The following AMBRA1 variants were observed in gnomAD, a reference collection of about 807,000 sequenced individuals.
AMBRA1 encodes autophagy and beclin 1 regulator 1, also known as activating molecule in BECN1-regulated autophagy protein 1.
AMBRA1 carries 47 observed loss-of-function variants against 125.4 expected under a neutral mutation model. The observed-to-expected ratio is 0.37, with a 90% CI of 0.30 to 0.48. The LOEUF (loss-of-function observed/expected upper bound fraction) is 0.48. Ranked by LOEUF, AMBRA1 falls within the 20% of genes least tolerant of loss-of-function variation. The probability of loss-of-function intolerance (pLI) is 0.99; values close to 1 mark genes in which losing one functional copy is unlikely to be tolerated. For missense variants in AMBRA1, 1,331 were observed against 1,693.4 expected, an observed-to-expected ratio of 0.79 and a Z score of 3.76; for synonymous variants, 626 against 655.5, an observed-to-expected ratio of 0.95 and a Z score of 0.69.
At chr11:46,529,820 G>C (rs993581953) in intron 7 of AMBRA1, among the ~76,000 whole-genome samples, 1 of 152,168 alleles carries the variant, frequency 6.6e-6, no homozygotes, top group African/African-American at 2.4e-5. Context: ...CAATATCTTG[G>C]TTAATGTAAC....
At chr11:46,491,729 T>C (rs1258004468) in intron 11 of AMBRA1, among the ~76,000 whole-genome samples, 3 of 152,184 alleles carry the variant, frequency 2.0e-5, no homozygotes, top group African/African-American at 4.8e-5. Flanking sequence ...CATCCTTTGA[T>C]AGATTTTCTC....
chr11:46,404,653 T>G (rs1477165047), intron 17 of AMBRA1, among the ~76,000 whole-genome samples: 1 of 152,226 alleles, frequency 6.6e-6, no homozygotes, highest in Non-Finnish European at 1.5e-5. Flanking sequence ...TCACTCTGCC[T>G]GCTGCTCCCG....
chr11:46,494,324 T>C (rs1950560433), intron 9 of AMBRA1, 120 bp from the exon 10 acceptor site: 2 of 750,490 alleles, frequency 2.7e-6, no homozygotes, highest in East Asian at 2.7e-5. Flanking sequence ...CCACATAAAT[T>C]AGTCATCTGG....
At chr11:46,436,637 C>T (rs1565157382) in intron 12 of AMBRA1, among the ~76,000 whole-genome samples, 1 of 151,870 alleles carries the variant, frequency 6.6e-6, no homozygotes, top group East Asian at 1.9e-4. Flanking sequence ...AGCCCTTTGC[C>T]AAAACAAAAA....
intron 16 of AMBRA1, 27 bp downstream of exon 16, chr11:46,410,249 T>C (rs764549693): frequency 1.2e-6 from 2 of 1,609,474 alleles, no homozygotes; most frequent in Non-Finnish European, 1.7e-6. Context: ...TCCAGCCAGC[T>C]GCTCCCTGCC....
intron 15 of AMBRA1, among the ~76,000 whole-genome samples, chr11:46,416,906 C>A (rs573743283): frequency 6.6e-6 from 1 of 152,128 alleles, no homozygotes; most frequent in East Asian, 1.9e-4. Flanking sequence ...TGACTCCCAG[C>A]GTCTCTAATG....
In AMBRA1 at chr11:46,575,256, G is replaced by A. The variant is rs577377896; in HGVS notation, c.-121+18572C>T. On this transcript the variant is annotated intron_variant, in intron 1 of 17. Transcript: ENST00000683756. ...GTGTATCACCTGAGGTCAGGAGTTCGAGATCGGCCTGACCAACATGGTGTA... is the reference window on the plus strand; with the variant it reads ...GTGTATCACCTGAGGTCAGGAGTTCAAGATCGGCCTGACCAACATGGTGTA... 5.3e-5 allele frequency among the ~76,000 whole-genome samples: 8 copies of A among 152,134 alleles called. 1 individual carries two copies. The highest frequency in any genetic ancestry group is 4.2e-4 in the South Asian group (2 of 4,816).
rs967739661 is a variant in AMBRA1, at chr11:46,542,795, G to A, written c.1222C>T (p.Arg408Ter). Residue 408 changes from arginine to a stop codon, truncating the protein, a stop_gained, in exon 7 of 18, where the codon CGA becomes TGA. Coordinates refer to ENST00000683756, the MANE Select transcript of AMBRA1 (RefSeq NM_001387011.1). LOFTEE classifies it high-confidence loss of function. This position sits in a 1 kb window ranked among gnomAD's most constrained non-coding sequence, Gnocchi z 5.9. ...PLSSHPSRYHREIAPGLTGSE... is the reference protein window; with the variant it reads ...PLSSHPSRYH ...CCTGTCAACCCAGGAGCTATTTCTC[G>A]GTGATACCTAGAAGGGTGGCTAGAC... is the stretch of plus-strand genomic sequence containing the variant. 1.9e-6 allele frequency: 3 copies of A among 1,613,978 alleles called. No individual in the cohort carries two copies. The highest frequency in any genetic ancestry group is 1.3e-5 in the African/African-American group (1 of 74,902).
At chr11:46,569,680 G>A (rs1171253753) in intron 1 of AMBRA1, among the ~76,000 whole-genome samples, 1 of 152,078 alleles carries the variant, frequency 6.6e-6, no homozygotes, top group African/African-American at 2.4e-5. Context: ...CACTTTGGGA[G>A]GCTAAGGTGG....
chr11:46,493,776 A>G (rs541000946), intron 10 of AMBRA1, 68 bp from the exon 11 acceptor site: 6 of 1,303,660 alleles, frequency 4.6e-6, no homozygotes, highest in East Asian at 4.8e-5. Context: ...AACTACCTAC[A>G]CTGAAAAATC....
chr11:46,481,081 AT>A (rs1332371354), intron 11 of AMBRA1, among the ~76,000 whole-genome samples: 1 of 152,162 alleles, frequency 6.6e-6, no homozygotes, highest in African/African-American at 2.4e-5. Context: ...GGTCTTGACT[AT>A]TAATTGAATG....
At chr11:46,480,534 C>T (rs988691715) in intron 11 of AMBRA1, among the ~76,000 whole-genome samples, 3 of 152,198 alleles carry the variant, frequency 2.0e-5, no homozygotes, top group Non-Finnish European at 2.9e-5. Flanking sequence ...CCAATACATG[C>T]GTCTTTTCCT....
chr11:46,533,559 C>T (rs939454989), intron 7 of AMBRA1, among the ~76,000 whole-genome samples: 2 of 152,158 alleles, frequency 1.3e-5, no homozygotes, highest in African/African-American at 4.8e-5. Flanking sequence ...TTCATCAGCT[C>T]TTCACCCAAA....
chr11:46,503,970 A>G (rs1225128754), intron 9 of AMBRA1, among the ~76,000 whole-genome samples: 1 of 152,190 alleles, frequency 6.6e-6, no homozygotes, highest in Non-Finnish European at 1.5e-5. Context: ...AAGTGCTGAG[A>G]TTACAGGTGT....
At chr11:46,533,239 G>A (rs1003940563) in intron 7 of AMBRA1, among the ~76,000 whole-genome samples, 4 of 149,964 alleles carry the variant, frequency 2.7e-5, no homozygotes, top group African/African-American at 7.3e-5. Context: ...AAATTCTGGA[G>A]TTAACACACA....
intron 14 of AMBRA1, among the ~76,000 whole-genome samples, chr11:46,432,763 A>C (rs16938506): frequency 0.26 from 39,444 of 152,204 alleles, 7,186 homozygotes; most frequent in African/African-American, 0.52. Flanking sequence ...AGGTTCTTGG[A>C]TTCTGACAAA....
chr11:46,485,989 G>A (rs1226306331), intron 11 of AMBRA1, among the ~76,000 whole-genome samples: 9 of 152,156 alleles, frequency 5.9e-5, no homozygotes, highest in Non-Finnish European at 1.3e-4. Flanking sequence ...AAGGCAACTG[G>A]GAAGGCTGAG....
intron 1 of AMBRA1, among the ~76,000 whole-genome samples, chr11:46,558,714 A>G (rs1341248263): frequency 6.6e-6 from 1 of 152,202 alleles, no homozygotes; most frequent in African/African-American, 2.4e-5. Context: ...AACCAAAGAT[A>G]TCTCAAAATA....
At chr11:46,398,102 C>T (rs974587186) in intron 17 of AMBRA1, among the ~76,000 whole-genome samples, 159 bp from the exon 18 acceptor site, 5 of 152,202 alleles carry the variant, frequency 3.3e-5, no homozygotes, top group African/African-American at 9.6e-5. Context: ...GTCTTGAAAG[C>T]TAGACAAAAC....
Sources: gnomAD v4.1 joint callset for allele counts (sites outside exome capture counted in the v4.1 genomes callset) on GRCh38, gnomAD v4.1.1 for gene constraint, Gnocchi (gnomAD v3.1) non-coding constraint, MANE v1.5 for transcripts, NCBI Gene and HGNC (gene_info 2026-07-23, HGNC 2026-07-21) for gene names.